The following WDR59 variants were observed in gnomAD, a reference collection of about 807,000 sequenced individuals.
The protein encoded by WDR59 is GATOR2 complex protein WDR59.
In WDR59, 100 loss-of-function variants were observed where a neutral mutation model predicts 131.2. The ratio of observed to expected loss-of-function variants is 0.76; its 90% CI spans 0.65 to 0.90. The LOEUF (loss-of-function observed/expected upper bound fraction) is 0.90. Ranked by LOEUF, WDR59 falls within the 40% of genes least tolerant of loss-of-function variation. The pLI, the probability that WDR59 is intolerant of heterozygous loss-of-function variation, is 0.00. For missense variants in WDR59, 1,203 were observed against 1,262.2 expected, an observed-to-expected ratio of 0.95 and a Z score of 0.71; for synonymous variants, 601 against 466.2, an observed-to-expected ratio of 1.29 and a Z score of -3.72.
chr16:74,982,329 G>C (rs1280686336), intron 1 of WDR59, among the ~76,000 whole-genome samples: 2 of 151,952 alleles, frequency 1.3e-5, no homozygotes, highest in Non-Finnish European at 2.9e-5. Context: ...TTCACATAAA[G>C]AGGAAGCCTT....
At chr16:74,956,098 G>T (rs1346999944) in intron 3 of WDR59, among the ~76,000 whole-genome samples, 2 of 152,018 alleles carry the variant, frequency 1.3e-5, no homozygotes, top group African/African-American at 4.8e-5. Context: ...AGCAATGAAG[G>T]TCAACTCCAC....
At chr16:74,952,445 C>CAAAAAAAAAAAAAAAAAA (rs61448932) in intron 3 of WDR59, among the ~76,000 whole-genome samples, 5 of 62,692 alleles carry the variant, frequency 8.0e-5, no homozygotes, top group African/African-American at 1.6e-4. Context: ...CCATCTCAAA[C>CAAAAAAAAAAAAAAAAAA]AAAAAAAAAA....
chr16:74,944,046 T>C (rs2032429748), intron 6 of WDR59, among the ~76,000 whole-genome samples: 1 of 152,172 alleles, frequency 6.6e-6, no homozygotes, highest in African/African-American at 2.4e-5. Flanking sequence ...GAGCTTGCTC[T>C]ACCTCCTTGA....
chr16:74,950,265 T>G (rs925749388), intron 4 of WDR59, among the ~76,000 whole-genome samples: 3 of 152,124 alleles, frequency 2.0e-5, no homozygotes, highest in African/African-American at 7.2e-5. Context: ...AGGCAGATGT[T>G]GCAGTGAGCT....
intron 8 of WDR59, among the ~76,000 whole-genome samples, chr16:74,931,903 T>C (rs1225633868): frequency 1.3e-5 from 2 of 151,998 alleles, no homozygotes; most frequent in Admixed American, 6.6e-5. Context: ...AGCTATTCCA[T>C]TACAGTATCA....
chr16:74,892,403 T>G, intron 20 of WDR59, 81 bp downstream of exon 20: 1 of 1,174,850 alleles, frequency 8.5e-7, no homozygotes, highest in Non-Finnish European at 1.3e-6. Context: ...TTTGAAAATG[T>G]CATTAAATGC....
chr16:74,907,354 G>C (rs1965868284), intron 17 of WDR59, among the ~76,000 whole-genome samples: 2 of 152,166 alleles, frequency 1.3e-5, no homozygotes, highest in Admixed American at 1.3e-4. Context: ...GAGGTGATTG[G>C]ATCATGGGGG....
At chr16:74,969,084 G>T (rs1250895182) in intron 1 of WDR59, among the ~76,000 whole-genome samples, 3 of 152,162 alleles carry the variant, frequency 2.0e-5, no homozygotes, top group Non-Finnish European at 2.9e-5. Flanking sequence ...CGGGACTGTG[G>T]AATTTTTGTA....
chr16:74,978,807 A>G (rs2034289069), intron 1 of WDR59, among the ~76,000 whole-genome samples: 1 of 152,064 alleles, frequency 6.6e-6, no homozygotes, highest in South Asian at 2.1e-4. Context: ...AGGAAATGCT[A>G]CTGTGAGGGA....
At chr16:74,877,025 C>A (rs1458263919) in intron 25 of WDR59, among the ~76,000 whole-genome samples, 3 of 151,826 alleles carry the variant, frequency 2.0e-5, no homozygotes, top group Admixed American at 6.6e-5. Context: ...ACACTAGATA[C>A]AAATTGCAAA....
chr16:74,897,613 T>C (rs1215949722), intron 18 of WDR59, among the ~76,000 whole-genome samples: 1 of 152,230 alleles, frequency 6.6e-6, no homozygotes, highest in African/African-American at 2.4e-5. Context: ...AGGTGCTTTA[T>C]GAAACCTCAC....
intron 21 of WDR59, among the ~76,000 whole-genome samples, 196 bp from the exon 22 acceptor site, chr16:74,888,515 G>A (rs1414390085): frequency 6.6e-6 from 1 of 152,168 alleles, no homozygotes; most frequent in African/African-American, 2.4e-5. Context: ...AACTTGTTTT[G>A]GAATATAAGG....
chr16:74,874,349 C>A lies in WDR59; in HGVS notation c.2785G>T (p.Val929Leu). 6.2e-7 allele frequency: 1 copy of A among 1,614,152 alleles called. No homozygotes were observed. Among genetic ancestry groups the A allele is most frequent in the Non-Finnish European group, 8.5e-7 (1 of 1,180,038 alleles). ...AAATTGGACGATCCCCGCACAGCCA[C>A]GTGACAGATGGCACACTGGAACGTG... ...GFTFQCAICHVAVRGSSNFCL... is the reference protein window; with the variant it reads ...GFTFQCAICHLAVRGSSNFCL... The change falls in exon 26 of 26, where the codon GTG (valine) becomes TTG (leucine). Residue 929 changes from valine (V) to leucine (L), a missense_variant. By Grantham distance (32) the Val-to-Leu change is conservative. Coordinates refer to ENST00000262144, the MANE Select transcript of WDR59 (RefSeq NM_030581.4).
chr16:74,902,670 A>G (rs1965610427), intron 18 of WDR59, among the ~76,000 whole-genome samples: 1 of 152,170 alleles, frequency 6.6e-6, no homozygotes, highest in Non-Finnish European at 1.5e-5. Context: ...CCCTGACACT[A>G]AAGAAAACCC....
intron 8 of WDR59, among the ~76,000 whole-genome samples, chr16:74,928,213 T>G (rs1449199666): frequency 1.3e-5 from 2 of 149,346 alleles, no homozygotes; most frequent in Middle Eastern, 3.2e-3. Flanking sequence ...GGTTTTTTTT[T>G]TTTTTTTTTT....
Position 74,912,286 on chromosome 16 carries a change from G to A in WDR59, c.1301C>T (p.Pro434Leu). ...NHRVKMLVKF[P>L]AQYPNNAAPS... is the part of the protein sequence containing the mutation. The stretch of plus-strand genomic sequence containing the variant: ...GGCGGCGTTGTTTGGGTACTGTGCA[G>A]GGAACTTCACCAGCATCTTGACACG... The change falls in exon 14 of 26, where the codon CCT (proline) becomes CTT (leucine). Residue 434 changes from proline (P) to leucine (L), a missense_variant. Transcript: ENST00000262144. 1.2e-6 allele frequency: 2 copies of A among 1,614,184 alleles called. No individual in the cohort carries two copies. The highest frequency in any genetic ancestry group is 1.7e-6 in the Non-Finnish European group (2 of 1,180,030).
chr16:74,909,592 C>T lies in WDR59; in HGVS notation c.1551G>A (p.Pro517=), dbSNP rs765825819. 41 of 1,609,714 alleles carry T rather than the reference C, an allele frequency of 2.5e-5. No individual in the cohort carries two copies. Among genetic ancestry groups the T allele is most frequent in the East Asian group, 4.5e-5 (2 of 44,762 alleles). Residue 517 remains proline, a synonymous_variant, in exon 16 of 26, where the codon CCG becomes CCA. Coordinates refer to ENST00000262144, the MANE Select transcript of WDR59 (RefSeq NM_030581.4). ...AAGCCGTGGTCACCCGCGCAAACGTCGGTAAGGGGGGAGTGACAGAGTTGG... is the reference window on the plus strand; with the variant it reads ...AAGCCGTGGTCACCCGCGCAAACGTTGGTAAGGGGGGAGTGACAGAGTTGG... ...ALPNSVTPPL[P]TFARVTTAYG...
intron 1 of WDR59, among the ~76,000 whole-genome samples, chr16:74,975,198 T>G (rs746817390): frequency 9.9e-5 from 15 of 152,016 alleles, no homozygotes; most frequent in Non-Finnish European, 1.8e-4. Context: ...TCGTCTCTAC[T>G]AAAAATACAA....
chr16:74,893,562 C>T, intron 19 of WDR59, 117 bp downstream of exon 19: 1 of 1,113,254 alleles, frequency 9.0e-7, no homozygotes, highest in Non-Finnish European at 1.3e-6. Flanking sequence ...AAAGCTAATA[C>T]ATTGGGCTTT....
Sources: gnomAD v4.1 joint callset for allele counts (sites outside exome capture counted in the v4.1 genomes callset) on GRCh38, gnomAD v4.1.1 for gene constraint, MANE v1.5 for transcripts, NCBI Gene and HGNC (gene_info 2026-07-23, HGNC 2026-07-21) for gene names.